The following ANO6 variants were observed in gnomAD, a reference collection of about 807,000 sequenced individuals.
ANO6 encodes anoctamin-6.
A neutral mutation model predicts 117.5 loss-of-function variants in ANO6; 106 were observed. The observed-to-expected ratio is 0.90, with a 90% CI of 0.77 to 1.06. The LOEUF (loss-of-function observed/expected upper bound fraction) is 1.06, where lower values mean the gene tolerates loss of function less well. Among genes scored for constraint, ANO6 ranks in the 50% least tolerant of loss-of-function variants. The probability of loss-of-function intolerance (pLI) is 0.00; values close to 1 mark genes in which losing one functional copy is unlikely to be tolerated. For synonymous variants in ANO6, 367 were observed against 385.1 expected (o/e 0.95, Z 0.55); for missense variants, 955 against 1,121.1 (o/e 0.85, Z 2.12).
chr12:45,231,252 A>G (rs1947569394), intron 1 of ANO6, among the ~76,000 whole-genome samples: 1 of 152,228 alleles, frequency 6.6e-6, no homozygotes, highest in East Asian at 1.9e-4. Context: ...ACAAGTTATT[A>G]CCCTGGTAGT....
intron 2 of ANO6, among the ~76,000 whole-genome samples, chr12:45,302,638 C>A (rs1408377715): frequency 3.3e-5 from 5 of 152,042 alleles, no homozygotes; most frequent in Admixed American, 3.3e-4. Flanking sequence ...ATGGTTCCTA[C>A]CCTTAAGGAA....
At chr12:45,407,316 A>G (rs963989753) in intron 15 of ANO6, among the ~76,000 whole-genome samples, 1 of 152,168 alleles carries the variant, frequency 6.6e-6, no homozygotes, top group African/African-American at 2.4e-5. Flanking sequence ...CCAGACAGAA[A>G]AAGACCTGCT....
At chr12:45,349,666 A>G (rs1209708194) in intron 6 of ANO6, among the ~76,000 whole-genome samples, 1 of 152,216 alleles carries the variant, frequency 6.6e-6, no homozygotes, top group Admixed American at 6.5e-5. Context: ...TGAATAACAT[A>G]ATAAAACTAG....
intron 8 of ANO6, among the ~76,000 whole-genome samples, chr12:45,364,811 C>T (rs1941643417): frequency 6.6e-6 from 1 of 152,134 alleles, no homozygotes; most frequent in African/African-American, 2.4e-5. Flanking sequence ...TTTTTCCTCT[C>T]TGTGTTAGGA....
intron 3 of ANO6, among the ~76,000 whole-genome samples, chr12:45,343,865 G>T (rs1431498952): frequency 6.6e-6 from 1 of 151,668 alleles, no homozygotes; most frequent in African/African-American, 2.4e-5. Flanking sequence ...TCTGGAACTG[G>T]CATTTGCTCT....
chr12:45,252,371 G>A (rs1199414167), intron 1 of ANO6, among the ~76,000 whole-genome samples: 1 of 152,196 alleles, frequency 6.6e-6, no homozygotes, highest in Non-Finnish European at 1.5e-5. Context: ...GGCGTAAAGG[G>A]TTGAAAGAAA....
At chr12:45,255,435 A>T (rs1029525027) in intron 1 of ANO6, among the ~76,000 whole-genome samples, 5 of 152,146 alleles carry the variant, frequency 3.3e-5, no homozygotes, top group Non-Finnish European at 7.4e-5. Context: ...CCCGGGAGGC[A>T]GAGGTGGCAG....
At chr12:45,358,569 A>G (rs1432418101) in intron 8 of ANO6, among the ~76,000 whole-genome samples, 1 of 152,228 alleles carries the variant, frequency 6.6e-6, no homozygotes, top group Non-Finnish European at 1.5e-5. Context: ...ATTTTACAAA[A>G]TCACCATGAT....
chr12:45,228,181 T>C (rs1947516351), intron 1 of ANO6: 1 of 444,204 alleles, frequency 2.3e-6, no homozygotes, highest in African/African-American at 2.1e-5. Context: ...TGAAGTGCAG[T>C]AGTGGAGTAG....
intron 1 of ANO6, among the ~76,000 whole-genome samples, chr12:45,294,061 G>A (rs932966324): frequency 2.6e-5 from 4 of 152,080 alleles, no homozygotes; most frequent in African/African-American, 9.7e-5. Flanking sequence ...GAGTAACACA[G>A]GGGATATGGG....
intron 1 of ANO6, among the ~76,000 whole-genome samples, chr12:45,241,730 G>A (rs1031962741): frequency 6.6e-6 from 1 of 152,184 alleles, no homozygotes; most frequent in Non-Finnish European, 1.5e-5. Context: ...CTACAGATGG[G>A]ATTTTGGTGT....
intron 8 of ANO6, among the ~76,000 whole-genome samples, chr12:45,366,671 G>A (rs922626734): frequency 2.6e-5 from 4 of 152,024 alleles, no homozygotes; most frequent in African/African-American, 9.7e-5. Context: ...CTTTTCCACT[G>A]AATTTATAGC....
At chr12:45,238,585 G>A (rs537763178) in intron 1 of ANO6, among the ~76,000 whole-genome samples, 1 of 152,180 alleles carries the variant, frequency 6.6e-6, no homozygotes, top group Non-Finnish European at 1.5e-5. Flanking sequence ...GTGTTAAATA[G>A]GAGTGGTAAG....
Position 45,345,123 on chromosome 12 carries a change from T to G in ANO6, c.280-1899T>G, listed in dbSNP as rs75867599. On this transcript the variant is annotated intron_variant, in intron 3 of 19. Coordinates refer to ENST00000320560, the MANE Select transcript of ANO6 (RefSeq NM_001025356.3). Reference sequence around the variant, plus strand: ...GTTCAAATTGCAGCCAATAGTTAAATGTACTATATCTGAACAGCTCTTAGA... The same window carrying G: ...GTTCAAATTGCAGCCAATAGTTAAAGGTACTATATCTGAACAGCTCTTAGA... 3.8e-3 allele frequency among the ~76,000 whole-genome samples: 584 copies of G among 152,338 alleles called. 3 individuals carry two copies. Among genetic ancestry groups the G allele is most frequent in the Non-Finnish European group, 7.3e-3 (498 of 68,018 alleles).
intron 3 of ANO6, among the ~76,000 whole-genome samples, chr12:45,342,557 T>C (rs1941008971): frequency 6.6e-6 from 1 of 152,026 alleles, no homozygotes; most frequent in Non-Finnish European, 1.5e-5. Flanking sequence ...GTAATAGCCA[T>C]AAGTAAAAGT....
Position 45,430,731 on chromosome 12 carries a change from C to G in ANO6, c.*1420C>G, listed in dbSNP as rs1592059717. On this transcript the variant is annotated 3_prime_UTR_variant, in exon 20 of 20. Coordinates refer to ENST00000320560, the MANE Select transcript of ANO6 (RefSeq NM_001025356.3). Reference sequence around the variant, plus strand: ...CCTGTCTTGCCATGCACGTCTTGCCCCCTCACTTTTGCTCAGCCTAGCAGT... The same window carrying G: ...CCTGTCTTGCCATGCACGTCTTGCCGCCTCACTTTTGCTCAGCCTAGCAGT... 3.0e-6 allele frequency: 3 copies of G among 985,416 alleles called. No homozygotes were observed. The highest frequency in any genetic ancestry group is 9.4e-5 in the South Asian group (2 of 21,282). 61.0% of individuals were successfully genotyped at this position (985,416 alleles called of 1,614,324 possible).
chr12:45,434,804 T>A (rs1943689189), downstream of ANO6, among the ~76,000 whole-genome samples: 1 of 152,206 alleles, frequency 6.6e-6, no homozygotes, highest in Admixed American at 6.5e-5. Context: ...ATTGTTTAAA[T>A]GCTCTTTTCA....
intron 3 of ANO6, among the ~76,000 whole-genome samples, chr12:45,342,982 G>A (rs1166780886): frequency 6.6e-6 from 1 of 152,080 alleles, no homozygotes; most frequent in Non-Finnish European, 1.5e-5. Flanking sequence ...CTACTGATAG[G>A]TAGAAAGAAA....
At chr12:45,433,364 G>A (rs1210794366), downstream of ANO6, among the ~76,000 whole-genome samples, 3 of 152,096 alleles carry the variant, frequency 2.0e-5, no homozygotes, top group Non-Finnish European at 2.9e-5. Context: ...CATTATTACC[G>A]ATACAAGGGC....
Sources: gnomAD v4.1 joint callset for allele counts (sites outside exome capture counted in the v4.1 genomes callset) on GRCh38, gnomAD v4.1.1 for gene constraint, MANE v1.5 for transcripts, NCBI Gene and HGNC (gene_info 2026-07-23, HGNC 2026-07-21) for gene names.